WIPF3: variants seen among roughly 807,000 people sequenced by gnomAD.
The protein encoded by WIPF3 is WAS/WASL-interacting protein family member 3.
In WIPF3, 33 loss-of-function variants were observed where a neutral mutation model predicts 38.9. The observed-to-expected ratio is 0.85, with a 90% confidence interval of 0.64 to 1.14. The LOEUF is 1.14. Ranked by LOEUF, WIPF3 falls within the 50% of genes most tolerant of loss-of-function variation. The pLI is 0.00. For missense variants in WIPF3, 711 were observed against 652.5 expected, an observed-to-expected ratio of 1.09 and a Z score of -0.98; for synonymous variants, 324 against 269.3, an observed-to-expected ratio of 1.20 and a Z score of -1.99.
At chr7:29,849,444 G>A (rs936687227) in intron 2 of WIPF3, among the ~76,000 whole-genome samples, 2 of 152,144 alleles carry the variant, frequency 1.3e-5, no homozygotes, top group Non-Finnish European at 2.9e-5. Flanking sequence ...TCACTAGCTG[G>A]TGTTTTCTCC....
chr7:29,850,207 G>A (rs1785071555), intron 2 of WIPF3, among the ~76,000 whole-genome samples: 1 of 152,110 alleles, frequency 6.6e-6, no homozygotes, highest in African/African-American at 2.4e-5. Context: ...ACTTCCTCTA[G>A]TTTTTGTTCT....
chr7:29,823,350 C>T lies in WIPF3; in HGVS notation c.-57-11318C>T, dbSNP rs1784568876. Among the ~76,000 whole-genome samples the T allele has an allele frequency of 6.6e-6, 1 of 152,166 alleles. No individual in the cohort carries two copies. The highest frequency in any genetic ancestry group is 1.5e-5 in the Non-Finnish European group (1 of 68,028). The stretch of plus-strand genomic sequence containing the variant: ...GATTTCGGCTCACTGCAACCTCCGT[C>T]TCCTGGGAGAACCCAACATTCAGAA... On this transcript the variant is annotated intron_variant, in intron 1 of 8. Transcript: ENST00000242140. The surrounding 1 kb of genome is among the most constrained non-coding windows in gnomAD (Gnocchi z 4.0).
intron 1 of WIPF3, among the ~76,000 whole-genome samples, chr7:29,815,260 A>G (rs1375241672): frequency 6.6e-6 from 1 of 152,194 alleles, no homozygotes; most frequent in Non-Finnish European, 1.5e-5. Context: ...GTAAGACAAG[A>G]CAAGCAAGCA....
At chr7:29,814,228 G>A (rs780639745) in intron 1 of WIPF3, among the ~76,000 whole-genome samples, 1 of 152,190 alleles carries the variant, frequency 6.6e-6, no homozygotes, top group African/African-American at 2.4e-5. Flanking sequence ...CTCATATATT[G>A]GAACTTATTT....
At chr7:29,826,415 ACT>A (rs1784616684) in intron 1 of WIPF3, among the ~76,000 whole-genome samples, 1 of 152,058 alleles carries the variant, frequency 6.6e-6, no homozygotes, top group Admixed American at 6.5e-5. Context: ...ATCTCCAGTG[ACT>A]CACCCTCCAC....
chr7:29,832,480 A>G (rs1017649470), intron 1 of WIPF3, among the ~76,000 whole-genome samples: 2 of 152,306 alleles, frequency 1.3e-5, no homozygotes, highest in South Asian at 4.1e-4. Flanking sequence ...ACCCCATGAG[A>G]TCTCTGCTCA....
intron 2 of WIPF3, among the ~76,000 whole-genome samples, chr7:29,852,107 T>C (rs1785109050): frequency 6.6e-6 from 1 of 152,186 alleles, no homozygotes; most frequent in Non-Finnish European, 1.5e-5. Flanking sequence ...ACTCAAGCAG[T>C]CCTCCTGCCT....
At position 29,857,219 on chromosome 7, in the gene WIPF3, C is replaced by G. The variant is rs141997865; in HGVS notation, c.91-18611C>G. 2.6e-3 allele frequency among the ~76,000 whole-genome samples: 396 copies of G among 152,248 alleles called. 1 individual carries two copies. The highest frequency in any genetic ancestry group is 8.7e-3 in the African/African-American group (361 of 41,532). On this transcript the variant is annotated intron_variant, in intron 2 of 8. Coordinates refer to ENST00000242140, the MANE Select transcript of WIPF3 (RefSeq NM_001080529.3). ...CACCCTAACCACCTCCCTCACCTCA[C>G]CTTGTCCCCAACCTGTGACATAGGG...
intron 6 of WIPF3, 33 bp from the exon 7 acceptor site, chr7:29,889,273 C>T (rs772472337): frequency 6.4e-7 from 1 of 1,563,828 alleles, no homozygotes; most frequent in Admixed American, 1.7e-5. Context: ...TGACAGTAAC[C>T]TGAGTAACTC....
At chr7:29,851,571 C>T (rs1034574104) in intron 2 of WIPF3, among the ~76,000 whole-genome samples, 2 of 152,174 alleles carry the variant, frequency 1.3e-5, no homozygotes, top group Admixed American at 6.5e-5. Context: ...CTGACAGTGC[C>T]AGGCTTGGCC....
Position 29,883,898 on chromosome 7 carries a change from T to TAGGCAATACC in WIPF3, c.404_405insAGGCAATACC (p.Pro136GlyfsTer112), listed in dbSNP as rs774908299. ...GGCTCCCGCGCGCCCTCTCCCAGGC[T>TAGGCAATACC]TCCCAACAAAACCATCAGCGGCCCG... On this transcript the variant is annotated frameshift_variant, in exon 5 of 9. Transcript: ENST00000242140. LOFTEE classifies it high-confidence loss of function. 3 of 1,576,564 alleles carry TAGGCAATACC rather than the reference T, an allele frequency of 1.9e-6. No homozygotes were observed. In the South Asian group the frequency reaches 3.5e-5, roughly 18 times the overall value.
rs916107554 is a variant in WIPF3 at position 29,823,408 on chromosome 7, A to G, written c.-57-11260A>G. Among the ~76,000 whole-genome samples the G allele has an allele frequency of 5.3e-5, 8 of 152,184 alleles. No homozygotes were observed. The highest frequency in any genetic ancestry group is 1.9e-4 in the African/African-American group (8 of 41,446). On this transcript the variant is annotated intron_variant, in intron 1 of 8. Transcript: ENST00000242140. The surrounding 1 kb of genome is among the most constrained non-coding windows in gnomAD (Gnocchi z 4.0). ...TATTCCCACGCCGATAATGAGGTCT[A>G]CCATTGGACAGAAACTTTGACAGTT...
chr7:29,826,307 A>G (rs539075431), intron 1 of WIPF3, among the ~76,000 whole-genome samples: 1 of 152,184 alleles, frequency 6.6e-6, no homozygotes, highest in Non-Finnish European at 1.5e-5. Context: ...CCAGATCCAC[A>G]GTGTCGGCCT....
At chr7:29,893,043 T>G (rs1214522561) in intron 7 of WIPF3, among the ~76,000 whole-genome samples, 1 of 151,430 alleles carries the variant, frequency 6.6e-6, no homozygotes, top group Non-Finnish European at 1.5e-5. Flanking sequence ...CCAGCCTGGG[T>G]GACAAGAGCA....
chr7:29,909,366 T>G (rs1420127019), intron 8 of WIPF3, among the ~76,000 whole-genome samples: 1 of 152,084 alleles, frequency 6.6e-6, no homozygotes, highest in Non-Finnish European at 1.5e-5. Context: ...AAAAGTTGGT[T>G]ATTGAAAAGA....
intron 1 of WIPF3, among the ~76,000 whole-genome samples, chr7:29,829,796 G>A (rs900747526): frequency 3.3e-5 from 5 of 152,188 alleles, no homozygotes; most frequent in East Asian, 1.9e-4. Context: ...CGGGCCTCGC[G>A]TGGAAGTGAG....
Position 29,834,763 on chromosome 7 carries a change from A to AC in WIPF3, c.41dup (p.Pro15SerfsTer38). 23 of 1,048,754 alleles carry AC rather than the reference A, an allele frequency of 2.2e-5. No individual in the cohort carries two copies. The highest frequency in any genetic ancestry group is 1.0e-4 in the East Asian group (2 of 19,624). The allele number at this position is 1,048,754 out of a possible 1,614,324, so 65.0% of individuals were successfully genotyped here. A position where few individuals can be genotyped will look rare whatever the true frequency, so the allele number is the denominator to read the frequency against. On this transcript the variant is annotated frameshift_variant, in exon 2 of 9. Coordinates refer to ENST00000242140, the MANE Select transcript of WIPF3 (RefSeq NM_001080529.3). LOFTEE classifies it high-confidence loss of function. ...CGCCACCCCCACCTCCTCTGCCTCCACCTCCCCCGCCTCTGGGGGCTCCTC... is the reference window on the plus strand; with the variant it reads ...CGCCACCCCCACCTCCTCTGCCTCCACCCTCCCCCGCCTCTGGGGGCTCCTC...
chr7:29,883,972 G>A lies in WIPF3; in HGVS notation c.478G>A (p.Gly160Ser), dbSNP rs1451863843. ...GCTAGGCAATACCTCCGAGGCGCAT[G>A]GCGCTGCCAGGACAGCCCCGCCTCG... ...PRLGNTSEAH[G>S]AARTAPPRPN... The change falls in exon 5 of 9, where the codon GGC (glycine) becomes AGC (serine). Residue 160 changes from glycine (G) to serine (S), a missense_variant. Gly to Ser is a moderately conservative substitution (Grantham distance 56, BLOSUM62 0). Coordinates refer to ENST00000242140, the MANE Select transcript of WIPF3 (RefSeq NM_001080529.3). 2 of 1,541,742 alleles carry A rather than the reference G, an allele frequency of 1.3e-6. No individual in the cohort carries two copies. The highest frequency in any genetic ancestry group is 2.4e-5 in the South Asian group (2 of 83,164).
At chr7:29,873,371 C>T (rs1359427931) in intron 2 of WIPF3, among the ~76,000 whole-genome samples, 10 of 152,156 alleles carry the variant, frequency 6.6e-5, no homozygotes, top group Non-Finnish European at 1.3e-4. Flanking sequence ...TTACAAAGCA[C>T]GCTTTTTTCC....
Sources: allele counts gnomAD v4.1 joint callset (sites outside exome capture counted in the v4.1 genomes callset), GRCh38; gene constraint gnomAD v4.1.1; non-coding constraint Gnocchi (gnomAD v3.1); transcripts MANE v1.5; gene names NCBI Gene and HGNC (gene_info 2026-07-23, HGNC 2026-07-21).